The following AFF3 variants were observed in gnomAD, a reference collection of about 807,000 sequenced individuals.
AFF3 encodes ALF transcription elongation factor 3.
A neutral mutation model predicts 129.7 loss-of-function variants in AFF3; 32 were observed. That is an observed-to-expected ratio of 0.25 (90% CI 0.19 to 0.33). The LOEUF (loss-of-function observed/expected upper bound fraction) is 0.33. Ranked by LOEUF, AFF3 falls within the 10% of genes least tolerant of loss-of-function variation. The pLI is 1.00. For missense variants in AFF3, 1,373 were observed against 1,592.0 expected, an observed-to-expected ratio of 0.86 and a Z score of 2.34; for synonymous variants, 644 against 635.4, an observed-to-expected ratio of 1.01 and a Z score of -0.20.
At chr2:99,976,671 G>A (rs757573298) in intron 7 of AFF3, among the ~76,000 whole-genome samples, 22 of 152,228 alleles carry the variant, frequency 1.4e-4, no homozygotes, top group South Asian at 2.1e-4. Context: ...CCACTAAAAC[G>A]GGAATGGACA....
intron 7 of AFF3, among the ~76,000 whole-genome samples, chr2:99,896,168 C>T (rs1693931838): frequency 6.6e-6 from 1 of 151,588 alleles, no homozygotes; most frequent in Non-Finnish European, 1.5e-5. Context: ...AAACTCTGTC[C>T]ACCTTAAGTT....
chr2:99,735,239 A>G lies in AFF3; in HGVS notation c.1040-8111T>C, dbSNP rs531189653. Among the ~76,000 whole-genome samples, 32 of 152,036 alleles carry G rather than the reference A, an allele frequency of 2.1e-4. 1 individual carries two copies. The South Asian group carries it at 6.4e-3, about 31-fold the overall frequency. On this transcript the variant is annotated intron_variant, in intron 10 of 24. Transcript: ENST00000672756. Reference sequence around the variant, plus strand: ...CAGTTTATTCCCTTTTTGATTCCTAATATTATTTATTTGTGCCTTTTCTCT... The same window carrying G: ...CAGTTTATTCCCTTTTTGATTCCTAGTATTATTTATTTGTGCCTTTTCTCT...
intron 8 of AFF3, among the ~76,000 whole-genome samples, chr2:99,795,952 A>G (rs1053750208): frequency 3.3e-5 from 5 of 152,196 alleles, no homozygotes; most frequent in Admixed American, 6.5e-5. Flanking sequence ...TCCAGAAACA[A>G]TATTTGTGAA....
Position 99,593,392 on chromosome 2 carries a change from G to T in AFF3, c.2269C>A (p.Leu757Ile), listed in dbSNP as rs56151323. 3.1e-6 allele frequency: 5 copies of T among 1,614,036 alleles called. No homozygotes were observed. Among genetic ancestry groups the T allele is most frequent in the Non-Finnish European group, 4.2e-6 (5 of 1,180,000 alleles). The part of the protein sequence containing the change: ...PFGRNELLSP[L>I]KDSDEIRSLW... ...GACCTGATCTCATCACTGTCCTTTAGAGGGGAGAGAAGTTCGTTCCGGCCA... is the reference window on the plus strand; with the variant it reads ...GACCTGATCTCATCACTGTCCTTTATAGGGGAGAGAAGTTCGTTCCGGCCA... Residue 757 changes from leucine to isoleucine, a missense_variant, in exon 15 of 25, where the codon CTA becomes ATA. Around this residue, in one of 9 missense-constraint regions of AFF3, gnomAD observed 466 missense variants for 505.0 expected, o/e 0.92. Coordinates refer to ENST00000672756, the MANE Select transcript of AFF3 (RefSeq NM_001386135.1).
At chr2:99,884,383 G>A (rs1229668341) in intron 7 of AFF3, among the ~76,000 whole-genome samples, 1 of 151,896 alleles carries the variant, frequency 6.6e-6, no homozygotes, top group Non-Finnish European at 1.5e-5. Context: ...TAGTTACCAC[G>A]CTTATTTGCT....
chr2:99,578,246 C>T (rs537267494), intron 18 of AFF3, 81 bp downstream of exon 18: 5 of 1,470,712 alleles, frequency 3.4e-6, no homozygotes, highest in Admixed American at 5.5e-5. Flanking sequence ...GGTGGCCACA[C>T]CAAGGTGCCC....
intron 7 of AFF3, among the ~76,000 whole-genome samples, chr2:99,923,150 C>G (rs892857252): frequency 1.3e-5 from 2 of 152,192 alleles, no homozygotes; most frequent in African/African-American, 4.8e-5. Flanking sequence ...ACAGGAAGCA[C>G]AGCAGTACTG....
intron 7 of AFF3, among the ~76,000 whole-genome samples, chr2:99,874,528 T>C (rs1382499266): frequency 6.6e-6 from 1 of 152,190 alleles, no homozygotes; most frequent in Non-Finnish European, 1.5e-5. Flanking sequence ...TTCCTAATGA[T>C]ACTAGGTTGA....
chr2:99,572,167 C>A (rs1244461529), intron 18 of AFF3, among the ~76,000 whole-genome samples: 2 of 151,946 alleles, frequency 1.3e-5, no homozygotes, highest in African/African-American at 4.8e-5. Flanking sequence ...AGAAACGGGG[C>A]TTGAGTGATC....
At chr2:100,032,343 C>A (rs1294069513) in intron 4 of AFF3, among the ~76,000 whole-genome samples, 2 of 151,976 alleles carry the variant, frequency 1.3e-5, no homozygotes, top group Non-Finnish European at 1.5e-5. Flanking sequence ...GCAGGAAAAT[C>A]ACTTGAACCC....
At chr2:99,703,823 A>G (rs1471240667) in intron 11 of AFF3, among the ~76,000 whole-genome samples, 1 of 152,182 alleles carries the variant, frequency 6.6e-6, no homozygotes, top group Non-Finnish European at 1.5e-5. Flanking sequence ...GGCCTCCCAG[A>G]GCACTGGGAT....
At chr2:99,860,415 G>A (rs1209506636) in intron 7 of AFF3, among the ~76,000 whole-genome samples, 2 of 152,104 alleles carry the variant, frequency 1.3e-5, no homozygotes, top group African/African-American at 4.8e-5. Context: ...CTAGCCAGGG[G>A]TGGTGGCGGG....
intron 8 of AFF3, among the ~76,000 whole-genome samples, chr2:99,784,726 T>C (rs1210032048): frequency 6.6e-6 from 1 of 152,228 alleles, no homozygotes; most frequent in Non-Finnish European, 1.5e-5. Context: ...GGACTTACTT[T>C]CTCTTAGCCA....
chr2:100,125,927 T>C (rs1460059647), intron 2 of AFF3, among the ~76,000 whole-genome samples: 2 of 152,114 alleles, frequency 1.3e-5, no homozygotes, highest in East Asian at 1.9e-4. Flanking sequence ...GATGAACTGC[T>C]CAAGAAATGC....
chr2:99,613,882 T>C (rs1681169372), intron 13 of AFF3, among the ~76,000 whole-genome samples: 1 of 152,258 alleles, frequency 6.6e-6, no homozygotes, highest in South Asian at 2.1e-4. Flanking sequence ...TTTTTAAGTC[T>C]TGTTTGATCA....
At chr2:99,817,631 T>G (rs1017068940) in intron 8 of AFF3, among the ~76,000 whole-genome samples, 2 of 152,164 alleles carry the variant, frequency 1.3e-5, no homozygotes, top group African/African-American at 4.8e-5. Flanking sequence ...AAGCAATCTT[T>G]CCACCTAAGC....
chr2:99,601,386 A>G, intron 14 of AFF3, 49 bp downstream of exon 14: 2 of 1,509,974 alleles, frequency 1.3e-6, no homozygotes, highest in Non-Finnish European at 1.8e-6. Flanking sequence ...TGCTATCCTC[A>G]TAGAGACAGA....
At chr2:100,047,122 C>T (rs965225696) in intron 4 of AFF3, among the ~76,000 whole-genome samples, 12 of 152,214 alleles carry the variant, frequency 7.9e-5, no homozygotes, top group African/African-American at 1.4e-4. Context: ...TTGGTCCCGA[C>T]GGCCACGTGG....
At chr2:99,834,577 C>G (rs1189690523) in intron 8 of AFF3, among the ~76,000 whole-genome samples, 1 of 152,326 alleles carries the variant, frequency 6.6e-6, no homozygotes, top group Non-Finnish European at 1.5e-5. Flanking sequence ...CTTCTGCCCC[C>G]TCTACTCCAC....
Sources: allele counts gnomAD v4.1 joint callset (sites outside exome capture counted in the v4.1 genomes callset), GRCh38; gene constraint gnomAD v4.1.1; regional missense constraint gnomAD v4.1.1; transcripts MANE v1.5; gene names NCBI Gene and HGNC (gene_info 2026-07-23, HGNC 2026-07-21).